DISC1: variants seen among roughly 807,000 people sequenced by gnomAD.
The protein encoded by DISC1 is disrupted in schizophrenia 1 protein.
DISC1 carries 57 observed loss-of-function variants against 84.5 expected under a neutral mutation model. That is an observed-to-expected ratio of 0.67 (90% CI 0.55 to 0.84). The LOEUF is 0.84. Ranked by LOEUF, DISC1 falls within the 40% of genes least tolerant of loss-of-function variation. The pLI is 0.00. For synonymous variants in DISC1, 411 were observed against 415.2 expected, an observed-to-expected ratio of 0.99 and a Z score of 0.12; for missense variants, 1,000 against 1,057.8, an observed-to-expected ratio of 0.95 and a Z score of 0.76.
intron 9 of DISC1, among the ~76,000 whole-genome samples, chr1:231,822,399 T>C (rs1393078606): frequency 6.6e-6 from 1 of 152,140 alleles, no homozygotes; most frequent in Non-Finnish European, 1.5e-5. Context: ...CTGAGAACGA[T>C]GGCTAACTGT....
At position 231,897,594 on chromosome 1, in the gene DISC1, A is replaced by G. The variant is rs2087807232; in HGVS notation, c.1982-61234A>G. On this transcript the variant is annotated intron_variant, in intron 9 of 12. Coordinates refer to ENST00000439617, the MANE Select transcript of DISC1 (RefSeq NM_018662.3). The surrounding 1 kb of genome is among the most constrained non-coding windows in gnomAD (Gnocchi z 4.5). ...AACTTTGCGGCAGCATTTTACAGCC[A>G]TTTATTGTAGAGTCTGTTGCTTTGG... 6.6e-6 allele frequency among the ~76,000 whole-genome samples: 1 copy of G among 151,726 alleles called. No individual in the cohort carries two copies. The highest frequency in any genetic ancestry group is 2.1e-4 in the South Asian group (1 of 4,810).
chr1:231,826,546 T>C lies in DISC1; in HGVS notation c.1981+8029T>C, dbSNP rs112098058. Among the ~76,000 whole-genome samples, 1,737 of 152,294 alleles carry C rather than the reference T, an allele frequency of 0.011. 34 individuals are homozygous for C. Among genetic ancestry groups the C allele is most frequent in the African/African-American group, 0.04 (1,666 of 41,558 alleles). On this transcript the variant is annotated intron_variant, in intron 9 of 12. Transcript: ENST00000439617. This position sits in a 1 kb window ranked among gnomAD's most constrained non-coding sequence, Gnocchi z 4.2. The stretch of plus-strand genomic sequence containing the variant: ...GCAGATGGATAATTTAACTCAGTAG[T>C]AGGAGGTTCTATAGGTTATCACCCT...
At chr1:231,777,116 A>G (rs1182923353) in intron 6 of DISC1, among the ~76,000 whole-genome samples, 3 of 152,238 alleles carry the variant, frequency 2.0e-5, no homozygotes, top group Non-Finnish European at 4.4e-5. Flanking sequence ...GTTTGCCAAG[A>G]CAATGGCTTT....
chr1:231,678,853 T>G (rs558717965), intron 1 of DISC1, among the ~76,000 whole-genome samples: 1 of 152,186 alleles, frequency 6.6e-6, no homozygotes, highest in South Asian at 2.1e-4. Flanking sequence ...TTTTTTTGTA[T>G]TTTTAGTAGA....
At chr1:232,028,035 T>C (rs1046486025) in intron 12 of DISC1, among the ~76,000 whole-genome samples, 10 of 152,250 alleles carry the variant, frequency 6.6e-5, no homozygotes, top group African/African-American at 2.4e-4. Context: ...GCAGATATTC[T>C]GTTCTTCATA....
intron 9 of DISC1, among the ~76,000 whole-genome samples, chr1:231,945,416 A>G (rs563438736): frequency 1.3e-5 from 2 of 152,216 alleles, no homozygotes; most frequent in Non-Finnish European, 2.9e-5. Flanking sequence ...GAAACCAATG[A>G]GAACAAAGAC....
chr1:231,714,704 G>A (rs901600482), intron 3 of DISC1, among the ~76,000 whole-genome samples: 5 of 151,468 alleles, frequency 3.3e-5, no homozygotes, highest in African/African-American at 1.2e-4. Flanking sequence ...GAGAGATAGG[G>A]ATTGAGAGAG....
chr1:231,706,961 T>C (rs1014867861), intron 3 of DISC1, among the ~76,000 whole-genome samples: 1 of 152,224 alleles, frequency 6.6e-6, no homozygotes, highest in African/African-American at 2.4e-5. Context: ...CTCAGTGGCT[T>C]CCAGGAGCCT....
chr1:231,730,981 A>T (rs973864869), intron 3 of DISC1, among the ~76,000 whole-genome samples: 3 of 152,172 alleles, frequency 2.0e-5, no homozygotes, highest in Admixed American at 2.0e-4. Context: ...ATATTTTTAA[A>T]TGGCTAAAAA....
chr1:231,919,170 T>C (rs144585114), intron 9 of DISC1, among the ~76,000 whole-genome samples: 2,632 of 152,328 alleles, frequency 0.017, 39 homozygotes, highest in Middle Eastern at 0.024. Flanking sequence ...CACTGATTGA[T>C]TTTTCTTGAC....
chr1:231,976,607 C>T (rs1662846245), intron 10 of DISC1, among the ~76,000 whole-genome samples: 1 of 152,176 alleles, frequency 6.6e-6, no homozygotes, highest in Admixed American at 6.5e-5. Context: ...AGCTGAGAGG[C>T]CAGCCACTTA....
chr1:231,702,634 A>G (rs2066557532), intron 3 of DISC1: 1 of 982,568 alleles, frequency 1.0e-6, no homozygotes, highest in South Asian at 4.7e-5. Flanking sequence ...TGAGGCCAGG[A>G]AAACAAACAA....
intron 4 of DISC1, among the ~76,000 whole-genome samples, chr1:231,754,510 A>T (rs1203491967): frequency 6.6e-6 from 1 of 152,186 alleles, no homozygotes; most frequent in Non-Finnish European, 1.5e-5. Context: ...ACACCAGGGG[A>T]TGGTGTTAAA....
chr1:231,908,906 C>T (rs1372710792), intron 9 of DISC1, among the ~76,000 whole-genome samples: 1 of 152,022 alleles, frequency 6.6e-6, no homozygotes, highest in Non-Finnish European at 1.5e-5. Flanking sequence ...AGTTGTATTC[C>T]TAGGTATTTT....
At chr1:231,671,640 C>T (rs2062628653) in intron 1 of DISC1, among the ~76,000 whole-genome samples, 1 of 152,156 alleles carries the variant, frequency 6.6e-6, no homozygotes, top group African/African-American at 2.4e-5. Flanking sequence ...GTTTTAGTAT[C>T]TGCCATTAAT....
chr1:231,896,299 A>G (rs2087685105), intron 9 of DISC1, among the ~76,000 whole-genome samples: 2 of 152,148 alleles, frequency 1.3e-5, no homozygotes. Flanking sequence ...GGCTTTTGCA[A>G]CAGGGGTATG....
chr1:231,866,618 A>G (rs991854335), intron 9 of DISC1: 7 of 1,563,262 alleles, frequency 4.5e-6, no homozygotes, highest in Non-Finnish European at 6.2e-6. Context: ...TTGAACCCAG[A>G]GAGTCTGACT....
chr1:231,934,522 C>T (rs192647059), intron 9 of DISC1, among the ~76,000 whole-genome samples: 6 of 152,236 alleles, frequency 3.9e-5, no homozygotes, highest in Non-Finnish European at 5.9e-5. Flanking sequence ...TTTTAAGTGA[C>T]GCAAATCACA....
chr1:231,960,901 C>T (rs532032057), intron 10 of DISC1, among the ~76,000 whole-genome samples: 1 of 152,326 alleles, frequency 6.6e-6, no homozygotes, highest in Non-Finnish European at 1.5e-5. Context: ...ATGATCCCCT[C>T]CTTGGGTTTG....
Sources: allele counts gnomAD v4.1 joint callset (sites outside exome capture counted in the v4.1 genomes callset), GRCh38; gene constraint gnomAD v4.1.1; non-coding constraint Gnocchi (gnomAD v3.1); transcripts MANE v1.5; gene names NCBI Gene and HGNC (gene_info 2026-07-23, HGNC 2026-07-21).